SEMA6D: variants seen among roughly 807,000 people sequenced by gnomAD.
SEMA6D encodes the protein semaphorin 6D, also known as semaphorin-6D.
SEMA6D carries 35 observed loss-of-function variants against 106.6 expected under a neutral mutation model. The observed-to-expected ratio is 0.33, with a 90% CI of 0.25 to 0.44. The LOEUF is 0.44. Ranked by LOEUF, SEMA6D falls within the 20% of genes least tolerant of loss-of-function variation. The probability of loss-of-function intolerance (pLI) is 1.00; values close to 1 mark genes in which losing one functional copy is unlikely to be tolerated. For synonymous variants in SEMA6D, 499 were observed against 487.7 expected, an observed-to-expected ratio of 1.02 and a Z score of -0.31; for missense variants, 1,185 against 1,345.9, an observed-to-expected ratio of 0.88 and a Z score of 1.87.
intron 1 of SEMA6D, among the ~76,000 whole-genome samples, chr15:47,266,004 A>G (rs903965653): frequency 2.6e-5 from 4 of 152,072 alleles, no homozygotes; most frequent in Non-Finnish European, 5.9e-5. Context: ...TATTGTCTGG[A>G]AATGTCCTAA....
intron 3 of SEMA6D, among the ~76,000 whole-genome samples, chr15:47,572,854 CTA>C (rs2076087390): frequency 1.3e-5 from 2 of 152,020 alleles, no homozygotes; most frequent in African/African-American, 4.8e-5. Flanking sequence ...TTGCCAGATA[CTA>C]TGTTAGGTTT....
At chr15:47,268,087 A>G (rs1179653485) in intron 1 of SEMA6D, among the ~76,000 whole-genome samples, 3 of 152,172 alleles carry the variant, frequency 2.0e-5, no homozygotes, top group Non-Finnish European at 2.9e-5. Context: ...TGAAACAGAA[A>G]CGGCAGTTTA....
At chr15:47,320,458 T>C (rs1566995991) in intron 1 of SEMA6D, among the ~76,000 whole-genome samples, 2 of 152,208 alleles carry the variant, frequency 1.3e-5, no homozygotes. Flanking sequence ...CCAATTTCAC[T>C]TTATATGCAG....
At chr15:47,615,096 A>G (rs2076982267) in intron 4 of SEMA6D, among the ~76,000 whole-genome samples, 1 of 152,216 alleles carries the variant, frequency 6.6e-6, no homozygotes, top group South Asian at 2.1e-4. Flanking sequence ...GTTTTCTTCA[A>G]CCTAATAAAG....
chr15:47,317,299 C>G (rs1049545992), intron 1 of SEMA6D, among the ~76,000 whole-genome samples: 1 of 152,042 alleles, frequency 6.6e-6, no homozygotes, highest in Non-Finnish European at 1.5e-5. Context: ...CTCTCTCCCT[C>G]TATTTTCTTT....
intron 3 of SEMA6D, among the ~76,000 whole-genome samples, chr15:47,543,245 G>T (rs1237269436): frequency 6.6e-6 from 1 of 152,090 alleles, no homozygotes; most frequent in Admixed American, 6.6e-5. Flanking sequence ...ATATGGTTTG[G>T]CTGTGTGCTC....
chr15:47,643,177 C>A (rs1268618781), intron 4 of SEMA6D, among the ~76,000 whole-genome samples: 1 of 152,190 alleles, frequency 6.6e-6, no homozygotes, highest in African/African-American at 2.4e-5. Context: ...TGTGTACTGA[C>A]AAGAAGACCT....
At chr15:47,475,595 A>G (rs1429394832) in intron 3 of SEMA6D, among the ~76,000 whole-genome samples, 4 of 152,222 alleles carry the variant, frequency 2.6e-5, no homozygotes, top group Non-Finnish European at 5.9e-5. Flanking sequence ...GAGAGCTTGC[A>G]GTTCCGGATA....
intron 1 of SEMA6D, among the ~76,000 whole-genome samples, chr15:47,364,213 A>T (rs1365395714): frequency 6.6e-6 from 1 of 152,206 alleles, no homozygotes; most frequent in Non-Finnish European, 1.5e-5. Context: ...ACTTGCTCCG[A>T]AACAAAACTT....
chr15:47,351,030 C>CT (rs1222589692), intron 1 of SEMA6D, among the ~76,000 whole-genome samples: 1 of 152,154 alleles, frequency 6.6e-6, no homozygotes, highest in African/African-American at 2.4e-5. Flanking sequence ...GCAGTTCAGC[C>CT]TGACTCTTCA....
chr15:47,465,693 A>G (rs1016795786), intron 2 of SEMA6D, among the ~76,000 whole-genome samples: 10 of 152,218 alleles, frequency 6.6e-5, no homozygotes, highest in South Asian at 2.1e-4. Context: ...TTCTCCTGCC[A>G]TGTAAGATGT....
chr15:47,326,734 G>A (rs2037147760), intron 1 of SEMA6D, among the ~76,000 whole-genome samples: 1 of 152,226 alleles, frequency 6.6e-6, no homozygotes. Context: ...TTCCTTAGAA[G>A]TATGTGTATG....
At chr15:47,618,837 A>G (rs2077051115) in intron 4 of SEMA6D, among the ~76,000 whole-genome samples, 1 of 152,222 alleles carries the variant, frequency 6.6e-6, no homozygotes, top group African/African-American at 2.4e-5. Flanking sequence ...GTAGGGCTAT[A>G]ATAGTAACTT....
chr15:47,569,810 C>A (rs1366265753), intron 3 of SEMA6D, among the ~76,000 whole-genome samples: 1 of 152,116 alleles, frequency 6.6e-6, no homozygotes, highest in African/African-American at 2.4e-5. Context: ...CCTGTAATCC[C>A]AGTACTTTGG....
At chr15:47,467,567 G>A (rs916512118) in intron 2 of SEMA6D, among the ~76,000 whole-genome samples, 1 of 152,130 alleles carries the variant, frequency 6.6e-6, no homozygotes, top group South Asian at 2.1e-4. Context: ...AGATTGAGAA[G>A]TAGAGGAAGG....
chr15:47,557,800 G>T (rs2045957498), intron 3 of SEMA6D, among the ~76,000 whole-genome samples: 1 of 152,136 alleles, frequency 6.6e-6, no homozygotes, highest in African/African-American at 2.4e-5. Flanking sequence ...AGCGTTGGTT[G>T]TTGGGTCTGG....
intron 4 of SEMA6D, among the ~76,000 whole-genome samples, chr15:47,693,320 G>T (rs529396210): frequency 1.3e-5 from 2 of 152,106 alleles, no homozygotes; most frequent in South Asian, 4.1e-4. Flanking sequence ...TGCCAACACC[G>T]TGATTTTGGA....
intron 1 of SEMA6D, among the ~76,000 whole-genome samples, chr15:47,357,458 T>A (rs2144992004): frequency 6.6e-6 from 1 of 152,164 alleles, no homozygotes; most frequent in Non-Finnish European, 1.5e-5. Flanking sequence ...GAGCCTAAAA[T>A]ATGCTTAAAT....
intron 1 of SEMA6D, among the ~76,000 whole-genome samples, chr15:47,197,892 T>C (rs1292847422): frequency 6.6e-6 from 1 of 152,198 alleles, no homozygotes. Context: ...TACAAATTTC[T>C]TTCTGTGTCA....
Sources: allele counts gnomAD v4.1 joint callset (sites outside exome capture counted in the v4.1 genomes callset), GRCh38; gene constraint gnomAD v4.1.1; transcripts MANE v1.5; gene names NCBI Gene and HGNC (gene_info 2026-07-23, HGNC 2026-07-21).